Variants in C21orf91 observed in about 807,000 individuals in gnomAD.
The protein encoded by C21orf91 is chromosome 21 open reading frame 91, also known as protein EURL homolog.
C21orf91 carries 26 observed loss-of-function variants against 32.9 expected under a neutral mutation model. That is an observed-to-expected ratio of 0.79 (90% confidence interval 0.58 to 1.10). The LOEUF (loss-of-function observed/expected upper bound fraction) is 1.10, where lower values mean the gene tolerates loss of function less well. C21orf91 is among the 50% of genes least tolerant of loss of function. C21orf91 has a pLI of 0.00. For missense variants in C21orf91, 310 were observed against 341.3 expected, an observed-to-expected ratio of 0.91 and a Z score of 0.72; for synonymous variants, 126 against 120.4, an observed-to-expected ratio of 1.05 and a Z score of -0.31.
intron 2 of C21orf91, among the ~76,000 whole-genome samples, chr21:17,804,607 T>C (rs1207142405): frequency 6.6e-6 from 1 of 152,214 alleles, no homozygotes; most frequent in African/African-American, 2.4e-5. Context: ...TCCGCACATT[T>C]TGAGAATTAC....
At chr21:17,808,489 C>T (rs528600411) in intron 2 of C21orf91, among the ~76,000 whole-genome samples, 2 of 152,314 alleles carry the variant, frequency 1.3e-5, no homozygotes, top group East Asian at 3.9e-4. Context: ...TGTGGCACTG[C>T]CTAGTGGAGC....
At chr21:17,801,334 G>C (rs557592999) in intron 2 of C21orf91, among the ~76,000 whole-genome samples, 4 of 151,192 alleles carry the variant, frequency 2.6e-5, no homozygotes, top group East Asian at 2.0e-4. Flanking sequence ...GCAGTGGTGC[G>C]ATCTCGGCTT....
chr21:17,797,301 A>G (rs1462337385), intron 2 of C21orf91, among the ~76,000 whole-genome samples, 183 bp from the exon 3 acceptor site: 1 of 152,130 alleles, frequency 6.6e-6, no homozygotes, highest in African/African-American at 2.4e-5. Context: ...ATATTCAGTA[A>G]TATTAAATTC....
intron 2 of C21orf91, among the ~76,000 whole-genome samples, chr21:17,815,723 C>T (rs1013321540): frequency 6.6e-6 from 1 of 152,002 alleles, no homozygotes; most frequent in African/African-American, 2.4e-5. Context: ...TGCGATGGCA[C>T]AATCTCAGCT....
At chr21:17,802,263 C>T (rs560853803) in intron 2 of C21orf91, among the ~76,000 whole-genome samples, 3 of 152,270 alleles carry the variant, frequency 2.0e-5, no homozygotes, top group African/African-American at 7.2e-5. Context: ...TGGGTTCAAG[C>T]TATCATCATA....
In C21orf91 at chr21:17,806,685, C is replaced by T. The variant is rs148050914; in HGVS notation, c.128-9567G>A. Among the ~76,000 whole-genome samples, 422 of 152,174 alleles carry T rather than the reference C, an allele frequency of 2.8e-3. 2 individuals carry two copies. Among genetic ancestry groups the T allele is most frequent in the Non-Finnish European group, 5.1e-3 (350 of 67,982 alleles). ...TGAAATCTCATCTCTACTAAAAATA[C>T]AAAAATTAGCTGGGCATGGTGGCAG... On this transcript the variant is annotated intron_variant, in intron 2 of 4. Transcript: ENST00000284881.
intron 2 of C21orf91, among the ~76,000 whole-genome samples, chr21:17,805,993 G>A (rs1353392359): frequency 1.3e-5 from 2 of 152,016 alleles, no homozygotes; most frequent in Non-Finnish European, 2.9e-5. Context: ...TGATAGACAA[G>A]GGTAAAAAGA....
intron 2 of C21orf91, among the ~76,000 whole-genome samples, chr21:17,814,934 T>C (rs553239170): frequency 2.0e-5 from 3 of 152,286 alleles, no homozygotes; most frequent in Non-Finnish European, 2.9e-5. Flanking sequence ...TCAAAGTGTG[T>C]TTCTCAGGTC....
In C21orf91 at chr21:17,796,569, C is replaced by G. The variant is rs773263510; in HGVS notation, c.664+13G>C. 29 of 1,588,590 alleles carry G rather than the reference C, an allele frequency of 1.8e-5. No homozygotes were observed. Among genetic ancestry groups the G allele is most frequent in the Admixed American group, 3.6e-5 (2 of 56,184 alleles). On this transcript the variant is annotated intron_variant, in intron 3 of 4. Transcript: ENST00000284881. ...AACCACCCAACTTTTACTTTTCTCC[C>G]CATTTTACTTACATTCCTCTCTGCT... is the stretch of plus-strand genomic sequence containing the variant.
At chr21:17,813,216 T>C (rs937824712) in intron 2 of C21orf91, among the ~76,000 whole-genome samples, 14 of 152,130 alleles carry the variant, frequency 9.2e-5, no homozygotes, top group Non-Finnish European at 2.1e-4. Flanking sequence ...CTTACTTAAG[T>C]GGAAAAAAGT....
chr21:17,807,866 C>T (rs144370936), intron 2 of C21orf91, among the ~76,000 whole-genome samples: 62 of 152,288 alleles, frequency 4.1e-4, no homozygotes, highest in African/African-American at 1.4e-3. Flanking sequence ...CTGCTTCCAA[C>T]AGAGTATGGT....
Position 17,795,280 on chromosome 21 carries a change from G to A in C21orf91, c.665-10C>T. ...AGAGTCATCGAATTCACTGAAACAT[G>A]AAAATGTATTCACTATTACCACAAC... On this transcript the variant is annotated splice_polypyrimidine_tract_variant and intron_variant, in intron 3 of 4. Coordinates refer to ENST00000284881, the MANE Select transcript of C21orf91 (RefSeq NM_001100420.2). 2 of 1,584,000 alleles carry A rather than the reference G, an allele frequency of 1.3e-6. No individual in the cohort carries two copies. The highest frequency in any genetic ancestry group is 1.1e-5 in the South Asian group (1 of 90,458).
chr21:17,814,846 A>T (rs1333837314), intron 2 of C21orf91, among the ~76,000 whole-genome samples: 4 of 152,252 alleles, frequency 2.6e-5, no homozygotes, highest in African/African-American at 4.8e-5. Flanking sequence ...GTGGGGACAC[A>T]GATCCAAACC....
Position 17,796,834 on chromosome 21 carries a change from G to C in C21orf91, c.412C>G (p.Gln138Glu). Residue 138 changes from glutamine to glutamate, a missense_variant, in exon 3 of 5, where the codon CAA becomes GAA. Coordinates refer to ENST00000284881, the MANE Select transcript of C21orf91 (RefSeq NM_001100420.2). ...EEKLLPQFDSQVPKYSAKWID... is the reference protein window; with the variant it reads ...EEKLLPQFDSEVPKYSAKWID... ...CATTTTGCAGAATATTTTGGTACTT[G>C]GGAGTCAAACTGTGGGAGTAATTTT... 1 of 1,613,896 alleles carries C rather than the reference G, an allele frequency of 6.2e-7. No homozygotes were observed.
chr21:17,818,375 T>TG (rs1455910066), intron 1 of C21orf91, 50 bp from the exon 2 acceptor site: 21 of 1,518,526 alleles, frequency 1.4e-5, no homozygotes, highest in Non-Finnish European at 1.9e-5. Context: ...AACCTGCCTT[T>TG]GGGGTAGTTC....
At chr21:17,795,004 CAAA>C (rs56814896) in intron 4 of C21orf91, among the ~76,000 whole-genome samples, 16 of 104,564 alleles carry the variant, frequency 1.5e-4, no homozygotes, top group East Asian at 2.5e-4. Context: ...GATTCTGTCG[CAAA>C]AAAAAAAAAA....
At chr21:17,814,726 C>T (rs1031256433) in intron 2 of C21orf91, among the ~76,000 whole-genome samples, 7 of 152,174 alleles carry the variant, frequency 4.6e-5, no homozygotes, top group Admixed American at 4.6e-4. Context: ...GAGAACAGCA[C>T]TGAGGGGATG....
intron 2 of C21orf91, among the ~76,000 whole-genome samples, chr21:17,797,907 GTTT>G (rs897913896): frequency 1.5e-4 from 23 of 151,616 alleles, no homozygotes; most frequent in African/African-American, 5.3e-4. Context: ...TACCTCAATT[GTTT>G]TTTAAAAATA....
intron 2 of C21orf91, chr21:17,811,493 G>A (rs979542805): frequency 6.6e-6 from 1 of 152,026 alleles, no homozygotes; most frequent in African/African-American, 2.4e-5. Flanking sequence ...ATTATTATTT[G>A]CATGTAATAA....
Sources: allele counts gnomAD v4.1 joint callset (sites outside exome capture counted in the v4.1 genomes callset), GRCh38; gene constraint gnomAD v4.1.1; transcripts MANE v1.5; gene names NCBI Gene and HGNC (gene_info 2026-07-23, HGNC 2026-07-21).